Variants in BAIAP2L1 observed in about 807,000 individuals in gnomAD.
BAIAP2L1 encodes the protein BAR/IMD domain-containing adapter protein 2-like 1.
A neutral mutation model predicts 66.3 loss-of-function variants in BAIAP2L1; 35 were observed. That is an observed-to-expected ratio of 0.53 (90% CI 0.40 to 0.70). The LOEUF (loss-of-function observed/expected upper bound fraction) is 0.70. Ranked by LOEUF, BAIAP2L1 falls within the 30% of genes least tolerant of loss-of-function variation. The pLI, the probability that BAIAP2L1 is intolerant of heterozygous loss-of-function variation, is 0.00. For missense variants in BAIAP2L1, 622 were observed against 656.9 expected, an observed-to-expected ratio of 0.95 and a Z score of 0.58; for synonymous variants, 269 against 248.7, an observed-to-expected ratio of 1.08 and a Z score of -0.77.
intron 7 of BAIAP2L1, 25 bp downstream of exon 7, chr7:98,315,435 C>A: frequency 7.2e-7 from 1 of 1,385,376 alleles, no homozygotes; most frequent in South Asian, 1.9e-5. Flanking sequence ...TTAATACGCT[C>A]AAGGCAATTT....
chr7:98,385,991 C>T, intron 1 of BAIAP2L1: 2 of 1,473,342 alleles, frequency 1.4e-6, no homozygotes, highest in Non-Finnish European at 9.4e-7. Flanking sequence ...GACTGGCAAG[C>T]CTTTTCTATG....
intron 3 of BAIAP2L1, among the ~76,000 whole-genome samples, chr7:98,353,058 G>A (rs774891183): frequency 2.0e-4 from 30 of 151,666 alleles, no homozygotes; most frequent in Non-Finnish European, 3.5e-4. Flanking sequence ...GTCTACATCC[G>A]GCAGCCTCCG....
chr7:98,396,057 C>T (rs548624878), intron 1 of BAIAP2L1, among the ~76,000 whole-genome samples: 1 of 152,244 alleles, frequency 6.6e-6, no homozygotes, highest in Non-Finnish European at 1.5e-5. Flanking sequence ...ACATTCCACA[C>T]AGTTTTTAGT....
intron 5 of BAIAP2L1, among the ~76,000 whole-genome samples, chr7:98,319,153 C>T (rs748413785): frequency 6.6e-6 from 1 of 152,046 alleles, no homozygotes; most frequent in Non-Finnish European, 1.5e-5. Context: ...ACACTCACTG[C>T]CACATGGGGG....
intron 6 of BAIAP2L1, 127 bp from the exon 7 acceptor site, chr7:98,315,739 A>C: frequency 2.5e-6 from 1 of 394,358 alleles, no homozygotes; most frequent in Non-Finnish European, 4.0e-6. Context: ...GAGTAAATAC[A>C]TGAGAGGAAA....
intron 12 of BAIAP2L1, among the ~76,000 whole-genome samples, chr7:98,299,869 C>A (rs1306579812): frequency 6.6e-6 from 1 of 151,868 alleles, no homozygotes. Flanking sequence ...GGTGAAACCC[C>A]GTATCTACTA....
rs189732503 is a variant in BAIAP2L1 at position 98,395,561 on chromosome 7, A to C, written c.51+5241T>G. Among the ~76,000 whole-genome samples, 617 of 152,210 alleles carry C rather than the reference A, an allele frequency of 4.1e-3. 6 individuals are homozygous for C. The highest frequency in any genetic ancestry group is 0.014 in the African/African-American group (592 of 41,548). ...TCCTTGATCTGGGTGGTGGTTACACAGGTGTGTTCAGTTTGTGACAATTTA... is the reference window on the plus strand; with the variant it reads ...TCCTTGATCTGGGTGGTGGTTACACCGGTGTGTTCAGTTTGTGACAATTTA... On this transcript the variant is annotated intron_variant, in intron 1 of 13. Transcript: ENST00000005260.
At position 98,345,701 on chromosome 7, in the gene BAIAP2L1, A is replaced by G. The variant is rs190841069; in HGVS notation, c.214+9341T>C. ...GATCGCACCACTGCACTCCAGCCTA[A>G]AAGTCAATTTGCAAACTCAATAATT... On this transcript the variant is annotated intron_variant, in intron 3 of 13. Coordinates refer to ENST00000005260, the MANE Select transcript of BAIAP2L1 (RefSeq NM_018842.5). Among the ~76,000 whole-genome samples, 332 of 152,234 alleles carry G rather than the reference A, an allele frequency of 2.2e-3. 1 individual carries two copies. The highest frequency in any genetic ancestry group is 2.8e-3 in the Non-Finnish European group (189 of 68,008).
intron 11 of BAIAP2L1, among the ~76,000 whole-genome samples, chr7:98,305,923 G>A (rs1800639408): frequency 1.3e-5 from 2 of 152,164 alleles, no homozygotes; most frequent in Admixed American, 6.5e-5. Context: ...GGGAGTGGAT[G>A]AGATGGCCCA....
At chr7:98,308,344 G>A (rs1226254138) in intron 9 of BAIAP2L1, 2 of 453,670 alleles carry the variant, frequency 4.4e-6, no homozygotes, top group South Asian at 1.6e-5. Flanking sequence ...AATGCAGTTG[G>A]TCTTGCCATG....
intron 3 of BAIAP2L1, among the ~76,000 whole-genome samples, chr7:98,325,746 T>C (rs1801368318): frequency 6.6e-6 from 1 of 152,172 alleles, no homozygotes; most frequent in Non-Finnish European, 1.5e-5. Flanking sequence ...TTCTGACAAT[T>C]TTCCAAGTTT....
intron 3 of BAIAP2L1, among the ~76,000 whole-genome samples, chr7:98,334,193 T>C (rs528523891): frequency 2.8e-4 from 43 of 152,224 alleles, no homozygotes; most frequent in African/African-American, 9.9e-4. Flanking sequence ...TCTTAGTAGG[T>C]AACAAATTTC....
intron 12 of BAIAP2L1, among the ~76,000 whole-genome samples, chr7:98,300,514 T>A: frequency 6.6e-6 from 1 of 152,176 alleles, no homozygotes; most frequent in East Asian, 1.9e-4. Flanking sequence ...CAGGAAAGCG[T>A]ACTGATGTGG....
rs190375860 is a variant in BAIAP2L1, at chr7:98,345,453, G to A, written c.214+9589C>T. On this transcript the variant is annotated intron_variant, in intron 3 of 13. Coordinates refer to ENST00000005260, the MANE Select transcript of BAIAP2L1 (RefSeq NM_018842.5). ...AGAACATGAAAAGATGGCTGGGCAC[G>A]GTGGCTCACGCCTGTAATCCCAGCA... 8.4e-3 allele frequency among the ~76,000 whole-genome samples: 1,282 copies of A among 152,204 alleles called. 10 individuals carry two copies. The highest frequency in any genetic ancestry group is 0.012 in the Non-Finnish European group (809 of 68,022).
intron 1 of BAIAP2L1, among the ~76,000 whole-genome samples, chr7:98,369,871 C>T (rs1013973010): frequency 6.6e-6 from 1 of 151,780 alleles, no homozygotes; most frequent in African/African-American, 2.4e-5. Flanking sequence ...GGTGTTTCAC[C>T]GTGTTGCCCA....
At chr7:98,321,048 G>C (rs1801229204) in intron 3 of BAIAP2L1, among the ~76,000 whole-genome samples, 1 of 151,888 alleles carries the variant, frequency 6.6e-6, no homozygotes, top group East Asian at 1.9e-4. Context: ...TTGTGGGGAG[G>C]GTTTTTCACC....
intron 3 of BAIAP2L1, among the ~76,000 whole-genome samples, chr7:98,328,061 A>G (rs1172840408): frequency 6.6e-6 from 1 of 152,120 alleles, no homozygotes; most frequent in African/African-American, 2.4e-5. Context: ...ACACAGCACA[A>G]ATACACCTTC....
intron 9 of BAIAP2L1, 88 bp from the exon 10 acceptor site, chr7:98,307,984 G>A (rs769688072): frequency 2.4e-6 from 3 of 1,268,542 alleles, no homozygotes; most frequent in East Asian, 2.3e-5. Context: ...GAATCCACCT[G>A]TTCTCATCTT....
Position 98,400,846 on chromosome 7 carries a change from G to T in BAIAP2L1, c.7C>A (p.Arg3=). 2 of 1,542,288 alleles carry T rather than the reference G, an allele frequency of 1.3e-6. No homozygotes were observed. Residue 3 remains arginine (R), a synonymous_variant, in exon 1 of 14, where the codon CGG becomes AGG. Transcript: ENST00000005260. The part of the protein sequence containing the change: MS[R]GPEEVNRLTE... ...AGCCGGTTCACCTCCTCGGGCCCCCGGGACATGGCTGCGGCCGCCGGGCGA... is the reference window on the plus strand; with the variant it reads ...AGCCGGTTCACCTCCTCGGGCCCCCTGGACATGGCTGCGGCCGCCGGGCGA...
Sources: gnomAD v4.1 joint callset for allele counts (sites outside exome capture counted in the v4.1 genomes callset) on GRCh38, gnomAD v4.1.1 for gene constraint, MANE v1.5 for transcripts, NCBI Gene and HGNC (gene_info 2026-07-23, HGNC 2026-07-21) for gene names.